The following NRXN1 variants were observed in gnomAD, a reference collection of about 807,000 sequenced individuals.
The protein encoded by NRXN1 is neurexin 1.
Under a neutral mutation model 150.9 loss-of-function variants are expected in NRXN1, and 39 were observed. The observed-to-expected ratio is 0.26, with a 90% confidence interval of 0.20 to 0.34. The LOEUF is 0.34. Among genes scored for constraint, NRXN1 ranks in the 10% least tolerant of loss-of-function variants. NRXN1 has a pLI of 1.00. For synonymous variants in NRXN1, 924 were observed against 757.0 expected (o/e 1.22, Z -3.62); for missense variants, 1,815 against 1,949.9 (o/e 0.93, Z 1.30).
intron 5 of NRXN1, among the ~76,000 whole-genome samples, chr2:50,690,535 T>G (rs1172320255): frequency 3.3e-5 from 5 of 152,190 alleles, no homozygotes; most frequent in African/African-American, 1.2e-4. Flanking sequence ...TGCAAGTCTC[T>G]GGATTTCTCT....
chr2:50,895,748 T>C (rs1681843935), intron 5 of NRXN1, among the ~76,000 whole-genome samples: 1 of 151,854 alleles, frequency 6.6e-6, no homozygotes, highest in East Asian at 2.0e-4. Context: ...GCCTGGCTAA[T>C]TTTGTATTTT....
chr2:50,393,750 A>G (rs2081888867), intron 17 of NRXN1, among the ~76,000 whole-genome samples: 1 of 152,164 alleles, frequency 6.6e-6, no homozygotes, highest in Non-Finnish European at 1.5e-5. Flanking sequence ...TTCTCCCTAC[A>G]TGAGAATCTG....
intron 15 of NRXN1, among the ~76,000 whole-genome samples, chr2:50,491,885 T>A: frequency 6.6e-6 from 1 of 152,290 alleles, no homozygotes; most frequent in Admixed American, 6.5e-5. Context: ...CAATTCTTCC[T>A]CCCTATTTTT....
At chr2:51,017,539 TAGAAATGAGG>T (rs1668904937) in intron 2 of NRXN1, among the ~76,000 whole-genome samples, 4 of 98,298 alleles carry the variant, frequency 4.1e-5, no homozygotes, top group Non-Finnish European at 6.1e-5. Flanking sequence ...TTTTTTTTTT[TAGAAATGAGG>T]TCTCGCTTTT....
chr2:50,183,534 AT>A (rs1280009056), intron 18 of NRXN1, among the ~76,000 whole-genome samples: 1 of 151,826 alleles, frequency 6.6e-6, no homozygotes, highest in African/African-American at 2.4e-5. Flanking sequence ...TGTAAAAAAA[AT>A]ATATATTTTT....
chr2:50,980,137 A>C (rs1696558258), intron 2 of NRXN1, among the ~76,000 whole-genome samples: 1 of 152,086 alleles, frequency 6.6e-6, no homozygotes, highest in South Asian at 2.1e-4. Context: ...TCTGATTAAA[A>C]TTTTGAAATG....
At chr2:50,466,513 G>A (rs1220054906) in intron 16 of NRXN1, 2 of 462,714 alleles carry the variant, frequency 4.3e-6, no homozygotes, top group East Asian at 1.4e-4. Context: ...AAAAAAAAAA[G>A]CAAAATATAT....
chr2:50,268,345 T>G (rs2069142333), intron 17 of NRXN1, among the ~76,000 whole-genome samples: 1 of 152,212 alleles, frequency 6.6e-6, no homozygotes, highest in African/African-American at 2.4e-5. Context: ...TACTAGTTCC[T>G]TAAGTACACA....
At chr2:50,728,760 C>G (rs1697715176) in intron 5 of NRXN1, among the ~76,000 whole-genome samples, 1 of 152,128 alleles carries the variant, frequency 6.6e-6, no homozygotes, top group Non-Finnish European at 1.5e-5. Context: ...CACTTTAGTT[C>G]TGACTCCAAT....
chr2:50,116,623 G>A (rs994285282), intron 18 of NRXN1, among the ~76,000 whole-genome samples: 6 of 151,986 alleles, frequency 3.9e-5, no homozygotes, highest in African/African-American at 1.2e-4. Flanking sequence ...TACAGATGTG[G>A]GGGTTCCAGA....
chr2:50,521,230 T>G (rs963759706), intron 12 of NRXN1, among the ~76,000 whole-genome samples: 2 of 152,174 alleles, frequency 1.3e-5, no homozygotes, highest in Non-Finnish European at 2.9e-5. Context: ...AAAAGCAATT[T>G]TAACCATAAC....
At chr2:50,827,658 G>GAA (rs1670646477) in intron 5 of NRXN1, among the ~76,000 whole-genome samples, 2 of 152,066 alleles carry the variant, frequency 1.3e-5, no homozygotes, top group Non-Finnish European at 2.9e-5. Context: ...CACAGAGGGG[G>GAA]ACTTGGCAGG....
In NRXN1 at chr2:50,181,007, T is replaced by G. The variant is rs553783236; in HGVS notation, c.3546+55782A>C. ...GGGGTTTTCTTTTATATTTGTGTTTTCCAATTTTTCTTTAAGGAGGATTTA... is the reference window on the plus strand; with the variant it reads ...GGGGTTTTCTTTTATATTTGTGTTTGCCAATTTTTCTTTAAGGAGGATTTA... On this transcript the variant is annotated intron_variant, in intron 18 of 22. Transcript: ENST00000401669. 3.9e-5 allele frequency among the ~76,000 whole-genome samples: 6 copies of G among 152,272 alleles called. No homozygotes were observed. In the East Asian group the frequency reaches 1.2e-3, roughly 29 times the overall value.
At chr2:50,426,949 G>A (rs760596014) in intron 17 of NRXN1, among the ~76,000 whole-genome samples, 3 of 152,048 alleles carry the variant, frequency 2.0e-5, no homozygotes, top group Non-Finnish European at 4.4e-5. Context: ...TACCTGTAAG[G>A]GGAATGAAAG....
At chr2:50,524,701 A>G (rs2092897760) in intron 12 of NRXN1, among the ~76,000 whole-genome samples, 1 of 152,096 alleles carries the variant, frequency 6.6e-6, no homozygotes, top group Non-Finnish European at 1.5e-5. Flanking sequence ...TATGACAATT[A>G]GGACTTACCT....
intron 5 of NRXN1, among the ~76,000 whole-genome samples, chr2:50,690,617 T>G (rs577632102): frequency 6.6e-6 from 1 of 152,330 alleles, no homozygotes; most frequent in East Asian, 1.9e-4. Flanking sequence ...AACTGCAATG[T>G]GTCTCTAATA....
At chr2:50,887,077 C>G (rs1255503846) in intron 5 of NRXN1, among the ~76,000 whole-genome samples, 1 of 151,202 alleles carries the variant, frequency 6.6e-6, no homozygotes, top group African/African-American at 2.4e-5. Flanking sequence ...ATATATTTTT[C>G]TTGAAAAAGC....
At position 50,963,963 on chromosome 2, in the gene NRXN1, C is replaced by A. The variant is rs964803294; in HGVS notation, c.773-38008G>T. On this transcript the variant is annotated intron_variant, in intron 2 of 22. Transcript: ENST00000401669. ...CAGTTTAATTTGAGCTCAAATAATA[C>A]AAACATATGTCATTGTCCTTCTCTT... is the stretch of plus-strand genomic sequence containing the variant. 3 of 439,764 alleles carry A rather than the reference C, an allele frequency of 6.8e-6. No individual in the cohort carries two copies. The East Asian group carries it at 2.1e-4, about 31-fold the overall frequency. The allele number at this position is 439,764 out of a possible 1,614,324, so 27.2% of individuals were successfully genotyped here.
At chr2:50,229,873 G>A (rs1247080670) in intron 18 of NRXN1, among the ~76,000 whole-genome samples, 1 of 152,034 alleles carries the variant, frequency 6.6e-6, no homozygotes, top group Non-Finnish European at 1.5e-5. Flanking sequence ...TAGTCAGAAA[G>A]AATTCAACAA....
Sources: allele counts gnomAD v4.1 joint callset (sites outside exome capture counted in the v4.1 genomes callset), GRCh38; gene constraint gnomAD v4.1.1; transcripts MANE v1.5; gene names NCBI Gene and HGNC (gene_info 2026-07-23, HGNC 2026-07-21).